The following KCNN2 variants were observed in gnomAD, a reference collection of about 807,000 sequenced individuals.
The protein encoded by KCNN2 is potassium calcium-activated channel subfamily N member 2, also known as small conductance calcium-activated potassium channel protein 2.
In KCNN2, 24 loss-of-function variants were observed where a neutral mutation model predicts 55.5. The observed-to-expected ratio is 0.43, with a 90% CI of 0.31 to 0.61. The LOEUF is 0.61. Ranked by LOEUF, KCNN2 falls within the 20% of genes least tolerant of loss-of-function variation. KCNN2 has a pLI of 0.08. For synonymous variants in KCNN2, 431 were observed against 336.1 expected (o/e 1.28, Z -3.09); for missense variants, 754 against 853.6 (o/e 0.88, Z 1.45).
chr5:114,155,482 G>A (rs1752611516), intron 1 of KCNN2, among the ~76,000 whole-genome samples: 1 of 152,112 alleles, frequency 6.6e-6, no homozygotes, highest in African/African-American at 2.4e-5. Context: ...CATAATGGCT[G>A]AACTAATTTA....
chr5:114,220,037 A>T (rs1754099226), intron 1 of KCNN2, among the ~76,000 whole-genome samples: 1 of 152,100 alleles, frequency 6.6e-6, no homozygotes, highest in Non-Finnish European at 1.5e-5. Flanking sequence ...TAGTTTACAG[A>T]CCTTAAGAAA....
intron 1 of KCNN2, among the ~76,000 whole-genome samples, chr5:114,090,523 C>G (rs1751116413): frequency 6.6e-6 from 1 of 151,486 alleles, no homozygotes; most frequent in Non-Finnish European, 1.5e-5. Context: ...CTCTCTCCCT[C>G]ACTCTTCCTC....
At chr5:114,228,308 T>C (rs6883917) in intron 2 of KCNN2, among the ~76,000 whole-genome samples, 121,360 of 152,030 alleles carry the variant, frequency 0.8, 48,798 homozygotes, top group East Asian at 0.9. Flanking sequence ...AAGTAAACAA[T>C]AGATTTATGT....
intron 3 of KCNN2, among the ~76,000 whole-genome samples, chr5:114,428,073 T>C (rs549873639): frequency 6.6e-6 from 1 of 152,336 alleles, no homozygotes; most frequent in Non-Finnish European, 1.5e-5. Context: ...GCTGTACTCA[T>C]TTCATTTCAT....
At chr5:114,247,146 A>AAAT (rs1179142530) in intron 2 of KCNN2, among the ~76,000 whole-genome samples, 28 of 149,406 alleles carry the variant, frequency 1.9e-4, no homozygotes, top group East Asian at 3.9e-4. Flanking sequence ...TCTACTAGAA[A>AAAT]AATAATAATA....
intron 3 of KCNN2, among the ~76,000 whole-genome samples, chr5:114,417,253 A>G (rs1414491227): frequency 6.6e-6 from 1 of 152,212 alleles, no homozygotes; most frequent in African/African-American, 2.4e-5. Flanking sequence ...TTTAATGGTG[A>G]CCAGCCCTTA....
In KCNN2 at chr5:114,363,190, C is replaced by G; in HGVS notation, c.1051C>G (p.Leu351Val). The G allele has an allele frequency of 6.2e-7, 1 of 1,613,440 alleles. No homozygotes were observed. The highest frequency in any genetic ancestry group is 8.5e-7 in the Non-Finnish European group (1 of 1,180,018). Residue 351 changes from leucine (L) to valine (V), a missense_variant, in exon 1 of 8, where the codon CTC becomes GTC. Transcript: ENST00000673685. ...EKRKRLSDYA[L>V]IFGMFGIVVM... ...GCGCAAGCGGCTCAGCGACTACGCGCTCATCTTCGGCATGTTCGGCATCGT... is the reference window on the plus strand; with the variant it reads ...GCGCAAGCGGCTCAGCGACTACGCGGTCATCTTCGGCATGTTCGGCATCGT...
At chr5:114,080,631 A>G (rs1397418271) in intron 1 of KCNN2, among the ~76,000 whole-genome samples, 2 of 152,166 alleles carry the variant, frequency 1.3e-5, no homozygotes, top group African/African-American at 4.8e-5. Context: ...TAACATTCAA[A>G]ACCATTCCAT....
intron 1 of KCNN2, among the ~76,000 whole-genome samples, chr5:114,073,907 A>G (rs1211908108): frequency 3.9e-5 from 6 of 152,226 alleles, no homozygotes; most frequent in Non-Finnish European, 5.9e-5. Flanking sequence ...TAAAAAATAG[A>G]CAAAATATGG....
chr5:114,418,691 A>G (rs552793181), intron 3 of KCNN2, among the ~76,000 whole-genome samples: 1 of 152,112 alleles, frequency 6.6e-6, no homozygotes, highest in African/African-American at 2.4e-5. Context: ...CAGCATTTCA[A>G]CTTTCCTTTC....
At chr5:114,210,279 G>A (rs1402539253) in intron 1 of KCNN2, among the ~76,000 whole-genome samples, 1 of 152,092 alleles carries the variant, frequency 6.6e-6, no homozygotes, top group Non-Finnish European at 1.5e-5. Context: ...TAATGTTAAT[G>A]AATCAATAAT....
intron 3 of KCNN2, among the ~76,000 whole-genome samples, chr5:114,419,191 T>G (rs1181237788): frequency 6.6e-6 from 1 of 152,262 alleles, no homozygotes; most frequent in Non-Finnish European, 1.5e-5. Context: ...CAGGGGTTGG[T>G]AAACCATGGC....
At chr5:114,301,007 T>G (rs1177076384) in intron 2 of KCNN2, among the ~76,000 whole-genome samples, 1 of 151,890 alleles carries the variant, frequency 6.6e-6, no homozygotes. Flanking sequence ...AGTAATAACT[T>G]TTTTGGAAAA....
chr5:114,253,987 A>T (rs901908910), intron 2 of KCNN2, among the ~76,000 whole-genome samples: 4 of 152,206 alleles, frequency 2.6e-5, no homozygotes, highest in African/African-American at 9.7e-5. Flanking sequence ...TACTTTATCA[A>T]CATGATCATT....
intron 1 of KCNN2, among the ~76,000 whole-genome samples, chr5:114,096,798 G>A (rs186324476): frequency 3.3e-4 from 51 of 152,284 alleles, no homozygotes; most frequent in African/African-American, 1.1e-3. Flanking sequence ...TGACAACCAT[G>A]CAAACAAAGG....
chr5:114,160,420 C>T (rs894034326), intron 1 of KCNN2, among the ~76,000 whole-genome samples: 1 of 152,068 alleles, frequency 6.6e-6, no homozygotes, highest in Non-Finnish European at 1.5e-5. Flanking sequence ...TGCTTTACTT[C>T]CAATTATGTG....
In KCNN2 at chr5:114,160,697, G is replaced by T. The variant is rs1476565423; in HGVS notation, c.-270-60783G>T. On this transcript the variant is annotated intron_variant, in intron 1 of 10. Transcript: ENST00000512097. ...ATGAATCTGGGTGCTCCTGTATTGGGTGCATATATATTTAGGATAGTTAGT... is the reference window on the plus strand; with the variant it reads ...ATGAATCTGGGTGCTCCTGTATTGGTTGCATATATATTTAGGATAGTTAGT... Among the ~76,000 whole-genome samples, 4 of 152,226 alleles carry T rather than the reference G, an allele frequency of 2.6e-5. No homozygotes were observed. The East Asian group carries it at 5.8e-4, about 22-fold the overall frequency.
intron 1 of KCNN2, among the ~76,000 whole-genome samples, chr5:114,162,625 C>A (rs1420041120): frequency 6.6e-6 from 1 of 152,190 alleles, no homozygotes; most frequent in Non-Finnish European, 1.5e-5. Flanking sequence ...GCAGGCAGGC[C>A]TCCTTGAGCT....
Position 114,495,998 on chromosome 5 carries a change from G to T in KCNN2, c.2192G>T (p.Gly731Val), listed in dbSNP as rs765248632. Residue 731 changes from glycine (G) to valine (V), a missense_variant, in exon 8 of 8, where the codon GGT becomes GTT. Gly to Val is a moderately radical substitution (Grantham distance 109). This residue lies in a region of KCNN2 where 164 missense variants were observed against 156.6 expected (regional missense o/e 1.05). Coordinates refer to ENST00000673685, the MANE Select transcript of KCNN2 (RefSeq NM_021614.4). ...TLETKLETLI[G>V]SIHALPGLIS... ...GAAACAAAACTAGAGACTTTGATTG[G>T]TAGCATCCACGCCCTCCCTGGGCTC... 3.1e-6 allele frequency: 5 copies of T among 1,614,062 alleles called. No individual in the cohort carries two copies. In the Middle Eastern group the frequency reaches 8.3e-4, roughly 266 times the overall value.
Sources: gnomAD v4.1 joint callset for allele counts (sites outside exome capture counted in the v4.1 genomes callset) on GRCh38, gnomAD v4.1.1 for gene constraint, gnomAD v4.1.1 regional missense constraint, MANE v1.5 for transcripts, NCBI Gene and HGNC (gene_info 2026-07-23, HGNC 2026-07-21) for gene names.